Variants in RGSL1 observed in about 807,000 individuals in gnomAD.
RGSL1 encodes regulator of G protein signaling like 1.
Under a neutral mutation model 124.7 loss-of-function variants are expected in RGSL1, and 97 were observed. The ratio of observed to expected loss-of-function variants is 0.78; its 90% CI spans 0.66 to 0.92. The LOEUF is 0.92. Ranked by LOEUF, RGSL1 falls within the 40% of genes least tolerant of loss-of-function variation. The pLI, the probability that RGSL1 is intolerant of heterozygous loss-of-function variation, is 0.00. For missense variants in RGSL1, 1,233 were observed against 1,288.4 expected, an observed-to-expected ratio of 0.96 and a Z score of 0.66; for synonymous variants, 424 against 438.1, an observed-to-expected ratio of 0.97 and a Z score of 0.40.
intron 14 of RGSL1, among the ~76,000 whole-genome samples, chr1:182,533,319 A>G (rs1659319185): frequency 1.5e-5 from 2 of 133,368 alleles, no homozygotes; most frequent in Admixed American, 1.5e-4. Context: ...TTTTTGTTCA[A>G]CAATGTATCT....
chr1:182,520,362 G>A (rs1257003388), intron 9 of RGSL1, among the ~76,000 whole-genome samples: 1 of 152,116 alleles, frequency 6.6e-6, no homozygotes, highest in Non-Finnish European at 1.5e-5. Context: ...CTGAGAATCT[G>A]CCAAAAGCTC....
At chr1:182,491,319 A>G (rs142523318) in intron 8 of RGSL1, among the ~76,000 whole-genome samples, 3,352 of 151,936 alleles carry the variant, frequency 0.022, 117 homozygotes, top group African/African-American at 0.074. Context: ...AGGTTCATGC[A>G]ATTCTCCTGC....
intron 1 of RGSL1, chr1:182,450,501 C>T: frequency 2.6e-6 from 1 of 378,006 alleles, no homozygotes; most frequent in Non-Finnish European, 4.9e-6. Flanking sequence ...CATTTGTTGC[C>T]AAGTCAATAT....
chr1:182,487,042 A>T (rs553522119), intron 6 of RGSL1, among the ~76,000 whole-genome samples: 4 of 152,248 alleles, frequency 2.6e-5, no homozygotes, highest in African/African-American at 9.6e-5. Flanking sequence ...CTTTTTTATT[A>T]TTCATATTTA....
At chr1:182,483,981 A>C (rs1007192161) in intron 6 of RGSL1, among the ~76,000 whole-genome samples, 4 of 152,062 alleles carry the variant, frequency 2.6e-5, no homozygotes, top group Non-Finnish European at 5.9e-5. Flanking sequence ...CTCAGTGGCA[A>C]CTCAGGTCCC....
At chr1:182,467,890 G>C (rs920328648) in intron 4 of RGSL1, among the ~76,000 whole-genome samples, 2 of 152,132 alleles carry the variant, frequency 1.3e-5, no homozygotes, top group Non-Finnish European at 2.9e-5. Flanking sequence ...CTAATATCCA[G>C]AATCTACAAT....
intron 18 of RGSL1, among the ~76,000 whole-genome samples, chr1:182,551,748 A>AGGTTCCGTG (rs1215188178): frequency 6.6e-6 from 1 of 152,216 alleles, no homozygotes; most frequent in Non-Finnish European, 1.5e-5. Flanking sequence ...ATATATATAT[A>AGGTTCCGTG]TACACACACA....
At chr1:182,503,651 A>G (rs1656574944) in intron 9 of RGSL1, among the ~76,000 whole-genome samples, 1 of 152,092 alleles carries the variant, frequency 6.6e-6, no homozygotes, top group Non-Finnish European at 1.5e-5. Context: ...GTTAATAGGT[A>G]TAAAAAAGTA....
chr1:182,551,071 C>G lies in RGSL1; in HGVS notation c.2934-29C>G, dbSNP rs562057139. On this transcript the variant is annotated intron_variant, in intron 17 of 21. Transcript: ENST00000294854. ...CAGCCCCCTCCACTGGGGGTTCCCT[C>G]CTATGACCAGAAGCCATTCTTCCCA... The G allele has an allele frequency of 1.2e-4, 173 of 1,501,488 alleles. 1 individual carries two copies. In the Admixed American group the frequency reaches 3.1e-3, roughly 27 times the overall value. 93.0% of individuals were successfully genotyped at this position (1,501,488 alleles called of 1,614,324 possible).
At chr1:182,494,098 T>C (rs1655730388) in intron 9 of RGSL1, among the ~76,000 whole-genome samples, 1 of 152,184 alleles carries the variant, frequency 6.6e-6, no homozygotes, top group African/African-American at 2.4e-5. Flanking sequence ...ATCTCTGGGA[T>C]ACCTGAGCCC....
Position 182,489,182 on chromosome 1 carries a change from C to T in RGSL1, c.1697C>T (p.Thr566Ile). ...GGAGGCTCTCTCCAGGTAGAGCTGACATCTCCAGTGTTTCTAACAGGTCAG... is the reference window on the plus strand; with the variant it reads ...GGAGGCTCTCTCCAGGTAGAGCTGATATCTCCAGTGTTTCTAACAGGTCAG... ...KQGGSLQVEL[T>I]SPVFLTDITK... The change falls in exon 8 of 22, where the codon ACA (threonine) becomes ATA (isoleucine). Residue 566 changes from threonine (T) to isoleucine (I), a missense_variant. By Grantham distance (89) the Thr-to-Ile change is moderately conservative (BLOSUM62 -1). Transcript: ENST00000294854. The T allele has an allele frequency of 1.3e-6, 2 of 1,551,742 alleles. No individual in the cohort carries two copies. The highest frequency in any genetic ancestry group is 1.7e-6 in the Non-Finnish European group (2 of 1,146,988).
chr1:182,469,037 C>A (rs1653591444), intron 4 of RGSL1, among the ~76,000 whole-genome samples: 4 of 152,012 alleles, frequency 2.6e-5, no homozygotes, highest in Admixed American at 1.3e-4. Flanking sequence ...GGATTGAAGA[C>A]CTAAATTTAA....
At chr1:182,528,131 A>G (rs2102260114) in intron 11 of RGSL1, among the ~76,000 whole-genome samples, 1 of 152,202 alleles carries the variant, frequency 6.6e-6, no homozygotes, top group Non-Finnish European at 1.5e-5. Flanking sequence ...CAAGAGAGAG[A>G]ATGAGTGCCA....
rs1255521743 is a variant in RGSL1, at chr1:182,474,330, C to A, written c.1219C>A (p.Gln407Lys). The change falls in exon 6 of 22, where the codon CAG becomes AAG. Residue 407 changes from glutamine to lysine, a missense_variant. By Grantham distance (53) the Gln-to-Lys change is moderately conservative (BLOSUM62 1). Coordinates refer to ENST00000294854, the MANE Select transcript of RGSL1 (RefSeq NM_001137669.2). Reference protein sequence around the residue: ...IQLLDLWQDLQHFLSVLLNNK... With the variant: ...IQLLDLWQDLKHFLSVLLNNK... ...ACTTCTTGACCTCTGGCAGGACTTG[C>A]AGCATTTCCTCAGTGTCCTTCTGAA... 1 of 1,551,834 alleles carries A rather than the reference C, an allele frequency of 6.4e-7. No homozygotes were observed. The highest frequency in any genetic ancestry group is 8.7e-7 in the Non-Finnish European group (1 of 1,147,002).
intron 6 of RGSL1, among the ~76,000 whole-genome samples, chr1:182,484,424 G>A (rs919106939): frequency 2.0e-5 from 3 of 152,158 alleles, no homozygotes; most frequent in African/African-American, 4.8e-5. Flanking sequence ...TTTAAATCAA[G>A]CATGAGAATA....
In RGSL1 at chr1:182,498,168, C is replaced by CT. The variant is rs575223696; in HGVS notation, c.1825+5047dup. On this transcript the variant is annotated intron_variant, in intron 9 of 21. Transcript: ENST00000294854. The stretch of plus-strand genomic sequence containing the variant: ...CTTAATTCATTAATTTATATGAACT[C>CT]TTTTTTTTATTCAATGGGTTATAAT... Among the ~76,000 whole-genome samples, 82 of 151,950 alleles carry CT rather than the reference C, an allele frequency of 5.4e-4. 1 individual carries two copies. In the Middle Eastern group the frequency reaches 0.01, roughly 19 times the overall value.
rs1026102523 is a variant in RGSL1, at chr1:182,553,437, G to A, written c.3044-18G>A. 6.5e-7 allele frequency: 1 copy of A among 1,549,510 alleles called. No homozygotes were observed. The highest frequency in any genetic ancestry group is 1.4e-5 in the African/African-American group (1 of 73,084). On this transcript the variant is annotated intron_variant, in intron 18 of 21. Coordinates refer to ENST00000294854, the MANE Select transcript of RGSL1 (RefSeq NM_001137669.2). ...GTTGTCGCAGGTGTTTTTAATGCTT[G>A]TTTTTGTCCTTCCCCAGGAGACAAT...
At chr1:182,456,991 A>G (rs1459634967) in intron 2 of RGSL1, among the ~76,000 whole-genome samples, 1 of 152,104 alleles carries the variant, frequency 6.6e-6, no homozygotes, top group Non-Finnish European at 1.5e-5. Flanking sequence ...TACTGAAAAT[A>G]TAAAAATTAG....
intron 15 of RGSL1, among the ~76,000 whole-genome samples, chr1:182,543,331 G>A: frequency 6.6e-6 from 1 of 152,066 alleles, no homozygotes. Flanking sequence ...TCTTGATTCT[G>A]TTAATGTGAT....
Sources: allele counts gnomAD v4.1 joint callset (sites outside exome capture counted in the v4.1 genomes callset), GRCh38; gene constraint gnomAD v4.1.1; transcripts MANE v1.5; gene names NCBI Gene and HGNC (gene_info 2026-07-23, HGNC 2026-07-21).